EFHB: variants seen among roughly 807,000 people sequenced by gnomAD.
The protein encoded by EFHB is EF-hand domain-containing family member B.
Under a neutral mutation model 87.2 loss-of-function variants are expected in EFHB, and 91 were observed. The observed-to-expected ratio is 1.04, with a 90% CI of 0.88 to 1.24. The LOEUF is 1.24. EFHB is among the 50% of genes most tolerant of loss of function. The probability of loss-of-function intolerance (pLI) is 0.00; values close to 1 mark genes in which losing one functional copy is unlikely to be tolerated. For missense variants in EFHB, 1,084 were observed against 998.8 expected (o/e 1.09, Z -1.15); for synonymous variants, 325 against 333.6 (o/e 0.97, Z 0.28).
At chr3:19,940,697 T>G (rs1696136532) in intron 1 of EFHB, 1 of 355,288 alleles carries the variant, frequency 2.8e-6, no homozygotes, top group Non-Finnish European at 5.6e-6. Flanking sequence ...TTCTTTTTCC[T>G]GTACTCTTGT....
chr3:19,925,805 C>T (rs1459873192), intron 1 of EFHB, among the ~76,000 whole-genome samples: 3 of 152,154 alleles, frequency 2.0e-5, no homozygotes, highest in Non-Finnish European at 4.4e-5. Flanking sequence ...ATCACACCAC[C>T]TTCCACTCTT....
intron 1 of EFHB, chr3:19,940,392 C>A (rs1559480352): frequency 4.7e-6 from 2 of 428,738 alleles, no homozygotes; most frequent in Non-Finnish European, 9.3e-6. Flanking sequence ...CTCTCTCCAG[C>A]TCTTTCTGCT....
intron 1 of EFHB, among the ~76,000 whole-genome samples, chr3:19,921,852 G>A (rs1464728927): frequency 1.3e-5 from 2 of 151,972 alleles, no homozygotes; most frequent in African/African-American, 2.4e-5. Flanking sequence ...CTTAGGATAC[G>A]AACTCAAGTC....
intron 4 of EFHB, among the ~76,000 whole-genome samples, chr3:19,917,298 A>T (rs956128632): frequency 3.3e-5 from 5 of 151,710 alleles, no homozygotes; most frequent in African/African-American, 1.2e-4. Context: ...AATCTACTGT[A>T]AAATACATTT....
chr3:19,882,500 A>G (rs1249237339), intron 12 of EFHB, 50 bp downstream of exon 12: 1 of 1,383,288 alleles, frequency 7.2e-7, no homozygotes. Context: ...CTAAAATAGT[A>G]GTTGTTGATA....
In EFHB at chr3:19,945,717, G is replaced by T. The variant is rs539352786; in HGVS notation, c.-32+1202C>A. ...AATAGTTCATATTGAACAACTCCTT[G>T]AGAATAAAATGCCACAGGTATCATT... is the stretch of plus-strand genomic sequence containing the variant. On this transcript the variant is annotated intron_variant, in intron 1 of 14. Transcript: ENST00000344838. Among the ~76,000 whole-genome samples, 11 of 152,274 alleles carry T rather than the reference G, an allele frequency of 7.2e-5. No individual in the cohort carries two copies. The South Asian group carries it at 2.3e-3, about 32-fold the overall frequency.
chr3:19,933,900 T>G lies in EFHB; in HGVS notation c.119A>C (p.Asp40Ala), dbSNP rs536987176. 3 of 1,613,974 alleles carry G rather than the reference T, an allele frequency of 1.9e-6. No homozygotes were observed. In the South Asian group the frequency reaches 3.3e-5, roughly 18 times the overall value. ...CACAGGGCTCTCCCCGCATCGGGAA[T>G]CTTCTTTTCCTAATCCTACTCTGAT... ...LGIRVGLGKE[D>A]SRCGESPVVS... is the part of the protein sequence containing the mutation. Residue 40 changes from aspartate to alanine, a missense_variant, in exon 1 of 13, where the codon GAT becomes GCT. Asp to Ala is a moderately radical substitution (Grantham distance 126). Coordinates refer to ENST00000295824, the MANE Select transcript of EFHB (RefSeq NM_144715.4).
chr3:19,908,594 G>GAGAA (rs1553632129), intron 5 of EFHB, among the ~76,000 whole-genome samples: 108 of 91,398 alleles, frequency 1.2e-3, no homozygotes, highest in Middle Eastern at 5.0e-3. Flanking sequence ...GAGAGAGAGA[G>GAGAA]AGAGAGAAAG....
rs557569022 is a variant in EFHB, at chr3:19,902,416, G to A, written c.1419-2901C>T. Among the ~76,000 whole-genome samples, 745 of 152,138 alleles carry A rather than the reference G, an allele frequency of 4.9e-3. 5 individuals are homozygous for A. The highest frequency in any genetic ancestry group is 8.3e-3 in the Non-Finnish European group (567 of 67,974). On this transcript the variant is annotated intron_variant, in intron 6 of 12. Transcript: ENST00000295824. ...GTCACCCAGGCTGGAGTGCAATGGC[G>A]CCATCTCAGCTCACTTAAACCTCCA...
At chr3:19,932,656 A>G (rs1695868211) in intron 1 of EFHB, among the ~76,000 whole-genome samples, 1 of 152,226 alleles carries the variant, frequency 6.6e-6, no homozygotes, top group South Asian at 2.1e-4. Flanking sequence ...CTGTATTCAG[A>G]GTGTACTTCT....
chr3:19,892,382 T>G (rs1223651370), intron 9 of EFHB, among the ~76,000 whole-genome samples: 1 of 152,236 alleles, frequency 6.6e-6, no homozygotes, highest in African/African-American at 2.4e-5. Flanking sequence ...TCAATGCAGC[T>G]GTCCCCAGAA....
chr3:19,916,531 C>A (rs7646538), intron 4 of EFHB, among the ~76,000 whole-genome samples: 136,290 of 151,672 alleles, frequency 0.9, 61,475 homozygotes, highest in African/African-American at 0.97. Context: ...AAAATTAATT[C>A]ATTAATTAAT....
intron 5 of EFHB, among the ~76,000 whole-genome samples, chr3:19,909,082 T>A (rs939542757): frequency 7.8e-6 from 1 of 128,152 alleles, no homozygotes; most frequent in Non-Finnish European, 1.6e-5. Context: ...TACACAGATA[T>A]GAGTGCCCAT....
chr3:19,945,378 A>ACAG (rs942517659), intron 1 of EFHB, among the ~76,000 whole-genome samples: 2 of 152,242 alleles, frequency 1.3e-5, no homozygotes, highest in Admixed American at 6.5e-5. Context: ...GACAGAAAGA[A>ACAG]CAGCAGTATG....
intron 1 of EFHB, among the ~76,000 whole-genome samples, chr3:19,943,647 A>G (rs1429717596): frequency 6.6e-6 from 1 of 152,222 alleles, no homozygotes; most frequent in African/African-American, 2.4e-5. Flanking sequence ...AGTAATCTGA[A>G]GATGATTTAA....
At chr3:19,941,708 T>G (rs1185076513) in intron 1 of EFHB, 5 of 142,096 alleles carry the variant, frequency 3.5e-5, no homozygotes, top group African/African-American at 1.1e-4. Context: ...AATACGAAAA[T>G]TAGCTGGGCA....
intron 1 of EFHB, among the ~76,000 whole-genome samples, chr3:19,926,508 C>T (rs902372984): frequency 1.3e-5 from 2 of 152,028 alleles, no homozygotes; most frequent in South Asian, 2.1e-4. Context: ...GGACTACAGG[C>T]GCCTGCCACC....
At chr3:19,939,726 T>C (rs1696113360) in intron 1 of EFHB, among the ~76,000 whole-genome samples, 1 of 100,876 alleles carries the variant, frequency 9.9e-6, no homozygotes, top group African/African-American at 4.2e-5. Context: ...CTCAAACTTA[T>C]TTGTAACAGT....
intron 1 of EFHB, among the ~76,000 whole-genome samples, chr3:19,922,473 C>A (rs1170841229): frequency 6.6e-6 from 1 of 152,170 alleles, no homozygotes; most frequent in African/African-American, 2.4e-5. Flanking sequence ...TAGCCAGAAA[C>A]ATCAAACCCA....
Sources: allele counts gnomAD v4.1 joint callset (sites outside exome capture counted in the v4.1 genomes callset), GRCh38; gene constraint gnomAD v4.1.1; transcripts MANE v1.5; gene names NCBI Gene and HGNC (gene_info 2026-07-23, HGNC 2026-07-21).